The following CCDC85A variants were observed in gnomAD, a reference collection of about 807,000 sequenced individuals.
CCDC85A encodes the protein coiled-coil domain containing 85A.
A neutral mutation model predicts 50.2 loss-of-function variants in CCDC85A; 38 were observed. The observed-to-expected ratio is 0.76, with a 90% CI of 0.58 to 0.99. CCDC85A has a LOEUF of 0.99. Among genes scored for constraint, CCDC85A ranks in the 50% least tolerant of loss-of-function variants. The pLI is 0.00. For missense variants in CCDC85A, 820 were observed against 742.0 expected, an observed-to-expected ratio of 1.11 and a Z score of -1.22; for synonymous variants, 366 against 301.4, an observed-to-expected ratio of 1.21 and a Z score of -2.22.
At chr2:56,315,163 T>G (rs997882802) in intron 2 of CCDC85A, among the ~76,000 whole-genome samples, 18 of 152,192 alleles carry the variant, frequency 1.2e-4, no homozygotes, top group African/African-American at 4.3e-4. Flanking sequence ...AATAAACTTT[T>G]GGAATTCTGC....
chr2:56,310,863 A>G (rs1467857925), intron 2 of CCDC85A, among the ~76,000 whole-genome samples: 1 of 152,188 alleles, frequency 6.6e-6, no homozygotes, highest in Non-Finnish European at 1.5e-5. Flanking sequence ...ATGTGAATTG[A>G]CAGAAACCAT....
At chr2:56,332,272 C>T (rs971984343) in intron 2 of CCDC85A, among the ~76,000 whole-genome samples, 5 of 152,192 alleles carry the variant, frequency 3.3e-5, no homozygotes, top group Non-Finnish European at 5.9e-5. Context: ...CTTGCCACCC[C>T]TTCATAGTCC....
intron 2 of CCDC85A, among the ~76,000 whole-genome samples, chr2:56,236,335 G>A (rs1669015419): frequency 6.6e-6 from 1 of 152,194 alleles, no homozygotes; most frequent in South Asian, 2.1e-4. Context: ...GTTAGGGAAT[G>A]TGCCTGACAG....
At chr2:56,309,942 T>C (rs975956309) in intron 2 of CCDC85A, among the ~76,000 whole-genome samples, 8 of 152,146 alleles carry the variant, frequency 5.3e-5, no homozygotes, top group African/African-American at 1.7e-4. Context: ...GAGAAAAATA[T>C]TATTTTTCCT....
At chr2:56,209,403 C>A (rs1360020425) in intron 2 of CCDC85A, among the ~76,000 whole-genome samples, 2 of 145,574 alleles carry the variant, frequency 1.4e-5, no homozygotes, top group African/African-American at 2.5e-5. Flanking sequence ...TGCAGACATG[C>A]AAATAGAAGT....
intron 2 of CCDC85A, among the ~76,000 whole-genome samples, chr2:56,212,332 A>G (rs377720847): frequency 1.1e-4 from 17 of 152,090 alleles, no homozygotes; most frequent in African/African-American, 3.4e-4. Flanking sequence ...ACATATCCCA[A>G]TGCTTGGCTT....
At chr2:56,257,420 G>C (rs1385189942) in intron 2 of CCDC85A, among the ~76,000 whole-genome samples, 1 of 152,138 alleles carries the variant, frequency 6.6e-6, no homozygotes, top group African/African-American at 2.4e-5. Flanking sequence ...ATGTTATGGT[G>C]GGATAGTGAA....
chr2:56,313,543 TG>T (rs1042264361), intron 2 of CCDC85A, among the ~76,000 whole-genome samples: 4 of 152,284 alleles, frequency 2.6e-5, no homozygotes, highest in African/African-American at 9.6e-5. Flanking sequence ...CTTTAAGCCA[TG>T]TCATTGCACA....
At chr2:56,246,077 A>G (rs796325392) in intron 2 of CCDC85A, among the ~76,000 whole-genome samples, 5 of 152,302 alleles carry the variant, frequency 3.3e-5, no homozygotes, top group African/African-American at 1.2e-4. Context: ...GGCATGTGCC[A>G]CCATCCCTGG....
intron 2 of CCDC85A, among the ~76,000 whole-genome samples, chr2:56,276,207 A>G (rs1041590446): frequency 6.6e-6 from 1 of 152,176 alleles, no homozygotes; most frequent in Non-Finnish European, 1.5e-5. Flanking sequence ...AATTATTCCC[A>G]GGAATATGGC....
At chr2:56,231,166 G>A (rs969059763) in intron 2 of CCDC85A, among the ~76,000 whole-genome samples, 12 of 152,146 alleles carry the variant, frequency 7.9e-5, no homozygotes, top group Non-Finnish European at 1.3e-4. Flanking sequence ...CATTCAACTA[G>A]CATGACATTC....
chr2:56,254,367 A>G (rs1177844399), intron 2 of CCDC85A, among the ~76,000 whole-genome samples: 1 of 152,138 alleles, frequency 6.6e-6, no homozygotes, highest in African/African-American at 2.4e-5. Flanking sequence ...GGTATCAAGG[A>G]TAAAAATGTG....
Position 56,188,974 on chromosome 2 carries a change from T to C in CCDC85A, c.277-3503T>C, listed in dbSNP as rs912728881. On this transcript the variant is annotated intron_variant, in intron 1 of 5. Transcript: ENST00000407595. ...AGGAGAAAAAATTGATGTCTAGTGA[T>C]TGTTCTAGCTAGAGTGTGATACAGG... 2.0e-5 allele frequency among the ~76,000 whole-genome samples: 3 copies of C among 152,236 alleles called. No homozygotes were observed. The South Asian group carries it at 6.2e-4, about 31-fold the overall frequency.
chr2:56,223,091 A>G (rs1573049695), intron 2 of CCDC85A, among the ~76,000 whole-genome samples: 1 of 152,160 alleles, frequency 6.6e-6, no homozygotes, highest in East Asian at 1.9e-4. Flanking sequence ...GTAGTCCACA[A>G]AGGGAATTTC....
chr2:56,257,925 T>C (rs1670057134), intron 2 of CCDC85A, among the ~76,000 whole-genome samples: 1 of 152,182 alleles, frequency 6.6e-6, no homozygotes, highest in African/African-American at 2.4e-5. Flanking sequence ...TGGTAAGATG[T>C]TGACATCATT....
rs531714879 is a variant in CCDC85A, at chr2:56,339,179, TA to T, written c.1241-3697del. ...TGCCTGACACAAATCAGTGACACAA[TA>T]AATATTTGTTGAATGAATGAACTTA... On this transcript the variant is annotated intron_variant, in intron 2 of 5. Coordinates refer to ENST00000407595, the MANE Select transcript of CCDC85A (RefSeq NM_001080433.2). Among the ~76,000 whole-genome samples, 4 of 152,296 alleles carry T rather than the reference TA, an allele frequency of 2.6e-5. No individual in the cohort carries two copies. In the East Asian group the frequency reaches 7.7e-4, roughly 29 times the overall value.
At chr2:56,309,042 A>G (rs780157764) in intron 2 of CCDC85A, among the ~76,000 whole-genome samples, 10 of 152,182 alleles carry the variant, frequency 6.6e-5, no homozygotes, top group Non-Finnish European at 1.3e-4. Context: ...TGTGCTCTCT[A>G]TAGAAATAAT....
chr2:56,304,904 A>AAC (rs1553408777), intron 2 of CCDC85A, among the ~76,000 whole-genome samples: 1,919 of 148,276 alleles, frequency 0.013, 40 homozygotes, highest in African/African-American at 0.045. Flanking sequence ...ACTAAAAAAA[A>AAC]CAAAAAACAA....
At chr2:56,355,894 A>G (rs1013843454) in intron 3 of CCDC85A, among the ~76,000 whole-genome samples, 3 of 152,226 alleles carry the variant, frequency 2.0e-5, no homozygotes, top group African/African-American at 7.2e-5. Flanking sequence ...ATAACAAATA[A>G]CCAATAAACC....
Sources: allele counts gnomAD v4.1 joint callset (sites outside exome capture counted in the v4.1 genomes callset), GRCh38; gene constraint gnomAD v4.1.1; transcripts MANE v1.5; gene names NCBI Gene and HGNC (gene_info 2026-07-23, HGNC 2026-07-21).